KRT39: variants seen among roughly 807,000 people sequenced by gnomAD.
KRT39 encodes the protein keratin 39, also known as keratin, type I cytoskeletal 39.
KRT39 carries 47 observed loss-of-function variants against 54.8 expected under a neutral mutation model. The ratio of observed to expected loss-of-function variants is 0.86; its 90% CI spans 0.68 to 1.09. KRT39 has a LOEUF of 1.09. KRT39 is among the 50% of genes least tolerant of loss of function. The probability of loss-of-function intolerance (pLI) is 0.00; values close to 1 mark genes in which losing one functional copy is unlikely to be tolerated. For missense variants in KRT39, 580 were observed against 598.5 expected (o/e 0.97, Z 0.32); for synonymous variants, 207 against 227.9 (o/e 0.91, Z 0.83).
chr17:40,962,689 A>G (rs949115874), intron 3 of KRT39, 126 bp from the exon 4 acceptor site: 4 of 755,248 alleles, frequency 5.3e-6, no homozygotes, highest in Non-Finnish European at 8.7e-6. Context: ...AAAGGAATAC[A>G]TGATTTACAG....
At chr17:40,962,121 T>A in intron 5 of KRT39, 41 bp downstream of exon 5, 1 of 1,608,244 alleles carries the variant, frequency 6.2e-7, no homozygotes, top group Non-Finnish European at 8.5e-7. Context: ...AGGGACTGTT[T>A]CCATCTTTGC....
intron 6 of KRT39, 57 bp downstream of exon 6, chr17:40,960,224 A>T (rs1281016723): frequency 6.8e-7 from 1 of 1,462,916 alleles, no homozygotes; most frequent in Non-Finnish European, 9.5e-7. Flanking sequence ...GTGGCAGTAC[A>T]TATATCTGCG....
In KRT39 at chr17:40,960,421, A is replaced by G; in HGVS notation, c.1077T>C (p.Asp359=). ...TCTCTGCCAGCTGAGCTTCCAGGTT[A>G]TCAATCAGACTCTGGATCTGGGTCA... ...ALLTQIQSLI[D]NLEAQLAEIR... The change falls in exon 6 of 7, where the codon GAT becomes GAC. Residue 359 remains aspartate (D), a synonymous_variant. Coordinates refer to ENST00000355612, the MANE Select transcript of KRT39 (RefSeq NM_213656.4). 1 of 1,614,022 alleles carries G rather than the reference A, an allele frequency of 6.2e-7. No homozygotes were observed. Among genetic ancestry groups the G allele is most frequent in the Non-Finnish European group, 8.5e-7 (1 of 1,179,988 alleles).
At chr17:40,960,675 A>G (rs919463092) in intron 5 of KRT39, 174 bp from the exon 6 acceptor site, 2 of 600,564 alleles carry the variant, frequency 3.3e-6, no homozygotes, top group Non-Finnish European at 5.9e-6. Flanking sequence ...CAACTATGCT[A>G]AAATCTGCTT....
In KRT39 at chr17:40,962,435, G is replaced by C. The variant is rs1207756323; in HGVS notation, c.837C>G (p.Asn279Lys). Residue 279 changes from asparagine to lysine, a missense_variant, in exon 4 of 7, where the codon AAC (asparagine) becomes AAG (lysine). Physicochemically the swap from Asn to Lys is moderately conservative, Grantham distance 94. Transcript: ENST00000355612. Reference protein sequence around the residue: ...RCQYEPIMETNRKDVEQWFNT... With the variant: ...RCQYEPIMETKRKDVEQWFNT... ...TGAACCACTGTTCCACATCTTTGCG[G>C]TTTGTCTCCATGATGGGCTCATATT... 1 of 1,613,998 alleles carries C rather than the reference G, an allele frequency of 6.2e-7. No homozygotes were observed. Among genetic ancestry groups the C allele is most frequent in the Non-Finnish European group, 8.5e-7 (1 of 1,180,040 alleles).
chr17:40,958,764 G>C lies in KRT39; in HGVS notation c.1313C>G (p.Ser438Cys). The change falls in exon 7 of 7, where the codon TCC becomes TGC. Residue 438 changes from serine (S) to cysteine (C), a missense_variant. Transcript: ENST00000355612. ...CTCCTTTAAGCTGCAGGGGGATGAG[G>C]ATGTGCAAGCTGGGGCCGTGCTTTC... ...AIESTAPACTSSSPCSLKEHC... is the reference protein window; with the variant it reads ...AIESTAPACTCSSPCSLKEHC... 5 of 1,614,012 alleles carry C rather than the reference G, an allele frequency of 3.1e-6. No individual in the cohort carries two copies. The highest frequency in any genetic ancestry group is 1.1e-5 in the South Asian group (1 of 91,068).
chr17:40,959,271 A>G (rs1457981228), intron 6 of KRT39, among the ~76,000 whole-genome samples: 1 of 152,194 alleles, frequency 6.6e-6, no homozygotes, highest in East Asian at 1.9e-4. Context: ...CAACAGTGAT[A>G]AGGAACAAGT....
chr17:40,966,799 A>G lies in KRT39; in HGVS notation c.58T>C (p.Ser20Pro). 1 of 1,614,130 alleles carries G rather than the reference A, an allele frequency of 6.2e-7. No individual in the cohort carries two copies. Among genetic ancestry groups the G allele is most frequent in the Non-Finnish European group, 8.5e-7 (1 of 1,179,998 alleles). The change falls in exon 1 of 7, where the codon TCT becomes CCT. Residue 20 changes from serine to proline, a missense_variant. Coordinates refer to ENST00000355612, the MANE Select transcript of KRT39 (RefSeq NM_213656.4). ...NSPSTPCQNC[S>P]RITNVSTISS... ...ATGGTACTAACATTTGTAATCCTAG[A>G]GCAGTTTTGACATGGGGTTGAAGGA... is the stretch of plus-strand genomic sequence containing the variant.
rs142356475 is a variant in KRT39 at position 40,963,717 on chromosome 17, C to G, written c.618G>C (p.Leu206=). 3 of 1,611,380 alleles carry G rather than the reference C, an allele frequency of 1.9e-6. No homozygotes were observed. The highest frequency in any genetic ancestry group is 2.5e-6 in the Non-Finnish European group (3 of 1,177,876). ...CGGCCTTGCCCAGGGTCAGCACATT[C>G]AGGATCTGCTTGAGGCCATTGGCAT... ...ESDANGLKQI[L]NVLTLGKADL... is the part of the protein sequence containing the mutation. Residue 206 remains leucine, a synonymous_variant, in exon 3 of 7, where the codon CTG becomes CTC. Transcript: ENST00000355612.
chr17:40,958,851 C>A lies in KRT39; in HGVS notation c.1226G>T (p.Cys409Phe). 6.3e-7 allele frequency: 1 copy of A among 1,586,258 alleles called. No homozygotes were observed. Among genetic ancestry groups the A allele is most frequent in the Non-Finnish European group, 8.6e-7 (1 of 1,165,268 alleles). The change falls in exon 7 of 7, where the codon TGT becomes TTT. Residue 409 changes from cysteine to phenylalanine, a missense_variant. Coordinates refer to ENST00000355612, the MANE Select transcript of KRT39 (RefSeq NM_213656.4). ...CTCACATTTGGTGGCACGTGGGTAACAGGGACGCCTAAGGAAAAAAAACAC... is the reference window on the plus strand; with the variant it reads ...CTCACATTTGGTGGCACGTGGGTAAAAGGGACGCCTAAGGAAAAAAAACAC... The part of the protein sequence containing the change: ...LLESSDGKRP[C>F]YPRATKCEPS...
intron 6 of KRT39, among the ~76,000 whole-genome samples, chr17:40,959,331 T>C (rs947089549): frequency 1.2e-4 from 18 of 152,330 alleles, no homozygotes; most frequent in African/African-American, 4.1e-4. Flanking sequence ...ATTTTTCTCA[T>C]TGAGGAGTTA....
Position 40,966,667 on chromosome 17 carries a change from G to T in KRT39, c.190C>A (p.Arg64Ser). The T allele has an allele frequency of 6.2e-7, 1 of 1,614,212 alleles. No individual in the cohort carries two copies. The highest frequency in any genetic ancestry group is 1.1e-5 in the South Asian group (1 of 91,090). The change falls in exon 1 of 7, where the codon CGC becomes AGC. Residue 64 changes from arginine (R) to serine (S), a missense_variant. Physicochemically the swap from Arg to Ser is moderately radical, Grantham distance 110. Coordinates refer to ENST00000355612, the MANE Select transcript of KRT39 (RefSeq NM_213656.4). The stretch of plus-strand genomic sequence containing the variant: ...AGGTAGATGGGCTTGCGACAAAAGC[G>T]AGGAGTGGGTTGGCAGCCCTGGTCC... ...PWDQGCQPTP[R>S]FCRKPIYLMN...
At chr17:40,964,802 C>T (rs1911301285) in intron 1 of KRT39, among the ~76,000 whole-genome samples, 1 of 151,976 alleles carries the variant, frequency 6.6e-6, no homozygotes, top group Non-Finnish European at 1.5e-5. Context: ...AGTGGCTCAC[C>T]CATGTAATAT....
Position 40,962,399 on chromosome 17 carries a change from C to T in KRT39, c.870+3G>A, listed in dbSNP as rs927849189. On this transcript the variant is annotated splice_donor_region_variant and intron_variant, in intron 4 of 6. Transcript: ENST00000355612. Reference sequence around the variant, plus strand: ...TTGTTTTTGACTTTTCTATATCCCCCACCTGCGTGTTGAACCACTGTTCCA... The same window carrying T: ...TTGTTTTTGACTTTTCTATATCCCCTACCTGCGTGTTGAACCACTGTTCCA... 5.6e-6 allele frequency: 9 copies of T among 1,613,876 alleles called. No individual in the cohort carries two copies. Among genetic ancestry groups the T allele is most frequent in the Non-Finnish European group, 6.8e-6 (8 of 1,179,930 alleles).
At chr17:40,965,610 A>G (rs749697589) in intron 1 of KRT39, among the ~76,000 whole-genome samples, 1 of 152,228 alleles carries the variant, frequency 6.6e-6, no homozygotes, top group Non-Finnish European at 1.5e-5. Flanking sequence ...ACGTCTGTGC[A>G]TAACAAACTT....
In KRT39 at chr17:40,964,458, T is replaced by C; in HGVS notation, c.539A>G (p.Asp180Gly). The C allele has an allele frequency of 6.2e-7, 1 of 1,614,112 alleles. No individual in the cohort carries two copies. Among genetic ancestry groups the C allele is most frequent in the Non-Finnish European group, 8.5e-7 (1 of 1,179,988 alleles). Reference sequence around the variant, plus strand: ...TGGGTGGGCTTACTTGGCTCTCAAGTCATCTGCAGTCAGTTTGGTGTTGTC... The same window carrying C: ...TGGGTGGGCTTACTTGGCTCTCAAGCCATCTGCAGTCAGTTTGGTGTTGTC... ...QIDNTKLTAD[D>G]LRAKYEAEVS... The change falls in exon 2 of 7, where the codon GAC becomes GGC. Residue 180 changes from aspartate (D) to glycine (G), a missense_variant. Asp to Gly is a moderately conservative substitution (Grantham distance 94). Transcript: ENST00000355612.
chr17:40,958,985 A>C, intron 6 of KRT39, 126 bp from the exon 7 acceptor site: 1 of 828,372 alleles, frequency 1.2e-6, no homozygotes, highest in Non-Finnish European at 1.9e-6. Context: ...CTAAATGCTT[A>C]TTCATTTATT....
At position 40,958,621 on chromosome 17, in the gene KRT39, T is replaced by A. The variant is rs1160381888; in HGVS notation, c.1456A>T (p.Ile486Phe). The A allele has an allele frequency of 1.9e-6, 3 of 1,610,994 alleles. No individual in the cohort carries two copies. The highest frequency in any genetic ancestry group is 1.1e-5 in the South Asian group (1 of 90,314). ...SYEHVQPCFI[I>F]RPAKV ...GGATGTTAGACTTTGGCAGGTCTGATGATGAAACAAGGCTGCACATGCTCG... is the reference window on the plus strand; with the variant it reads ...GGATGTTAGACTTTGGCAGGTCTGAAGATGAAACAAGGCTGCACATGCTCG... Residue 486 changes from isoleucine to phenylalanine, a missense_variant, in exon 7 of 7, where the codon ATC becomes TTC. Transcript: ENST00000355612.
Position 40,966,809 on chromosome 17 carries a change from A to G in KRT39, c.48T>C (p.Cys16=). Residue 16 remains cysteine (C), a synonymous_variant, in exon 1 of 7, where the codon TGT becomes TGC. Transcript: ENST00000355612. ...CATTTGTAATCCTAGAGCAGTTTTG[A>G]CATGGGGTTGAAGGAGAATTGGTTG... ...CTTTNSPSTP[C]QNCSRITNVS... The G allele has an allele frequency of 6.2e-7, 1 of 1,614,054 alleles. No individual in the cohort carries two copies. The highest frequency in any genetic ancestry group is 8.5e-7 in the Non-Finnish European group (1 of 1,179,932).
Sources: allele counts gnomAD v4.1 joint callset (sites outside exome capture counted in the v4.1 genomes callset), GRCh38; gene constraint gnomAD v4.1.1; transcripts MANE v1.5; gene names NCBI Gene and HGNC (gene_info 2026-07-23, HGNC 2026-07-21).